OLFM4: variants seen among roughly 807,000 people sequenced by gnomAD.
OLFM4 encodes the protein olfactomedin-4.
Under a neutral mutation model 25.5 loss-of-function variants are expected in OLFM4, and 22 were observed. The observed-to-expected ratio is 0.86, with a 90% confidence interval of 0.62 to 1.23. The LOEUF (loss-of-function observed/expected upper bound fraction) is 1.23, where lower values mean the gene tolerates loss of function less well. Among genes scored for constraint, OLFM4 ranks in the 50% most tolerant of loss-of-function variants. The pLI, the probability that OLFM4 is intolerant of heterozygous loss-of-function variation, is 0.00. For synonymous variants in OLFM4, 255 were observed against 237.7 expected, an observed-to-expected ratio of 1.07 and a Z score of -0.67; for missense variants, 594 against 619.4, an observed-to-expected ratio of 0.96 and a Z score of 0.44.
intron 2 of OLFM4, among the ~76,000 whole-genome samples, chr13:53,040,494 G>T (rs181271207): frequency 6.6e-6 from 1 of 152,182 alleles, no homozygotes; most frequent in South Asian, 2.1e-4. Flanking sequence ...TCGGCATAGC[G>T]CATTTCTCCC....
chr13:53,045,269 G>A (rs917737635), intron 4 of OLFM4, among the ~76,000 whole-genome samples: 1 of 151,972 alleles, frequency 6.6e-6, no homozygotes, highest in Non-Finnish European at 1.5e-5. Flanking sequence ...CTCACACTTA[G>A]ACTTCTGTGA....
chr13:53,036,586 T>C (rs1161685633), intron 2 of OLFM4, among the ~76,000 whole-genome samples: 1 of 152,054 alleles, frequency 6.6e-6, no homozygotes, highest in Non-Finnish European at 1.5e-5. Flanking sequence ...GGTGGGAAAG[T>C]TTTAGTTCTG....
At chr13:53,045,020 C>T (rs191819264) in intron 4 of OLFM4, among the ~76,000 whole-genome samples, 19 of 152,284 alleles carry the variant, frequency 1.2e-4, no homozygotes, top group Non-Finnish European at 1.5e-4. Context: ...GAGGAGAAGA[C>T]GTGGATGGTA....
chr13:53,029,128 A>C, intron 1 of OLFM4, 88 bp downstream of exon 1: 1 of 1,553,590 alleles, frequency 6.4e-7, no homozygotes, highest in Non-Finnish European at 8.7e-7. Flanking sequence ...GGATGGCTAG[A>C]CCTGGGCACT....
chr13:53,041,871 A>C, intron 2 of OLFM4, 39 bp from the exon 3 acceptor site: 1 of 1,433,242 alleles, frequency 7.0e-7, no homozygotes, highest in Non-Finnish European at 9.8e-7. Flanking sequence ...GTGTGATACT[A>C]CTCAGGGAAT....
intron 4 of OLFM4, among the ~76,000 whole-genome samples, chr13:53,045,152 C>A (rs1305955003): frequency 6.6e-6 from 1 of 152,116 alleles, no homozygotes; most frequent in African/African-American, 2.4e-5. Flanking sequence ...AATCCAAGGA[C>A]AACGGTGGGG....
chr13:53,041,126 T>G (rs1316443221), intron 2 of OLFM4, among the ~76,000 whole-genome samples: 3 of 152,192 alleles, frequency 2.0e-5, no homozygotes, highest in African/African-American at 7.2e-5. Context: ...ACTGGGTATA[T>G]GCCCAAAGGA....
intron 4 of OLFM4, among the ~76,000 whole-genome samples, chr13:53,045,795 T>C (rs1213505481): frequency 6.6e-6 from 1 of 152,204 alleles, no homozygotes; most frequent in African/African-American, 2.4e-5. Flanking sequence ...ACAAACAACG[T>C]CCTTTTTCTG....
chr13:53,040,709 C>T (rs1259935059), intron 2 of OLFM4, among the ~76,000 whole-genome samples: 1 of 152,148 alleles, frequency 6.6e-6, no homozygotes, highest in Non-Finnish European at 1.5e-5. Flanking sequence ...GCACAACCCC[C>T]ACAAGAAATG....
chr13:53,040,189 A>C (rs138166729), intron 2 of OLFM4, among the ~76,000 whole-genome samples: 1 of 152,346 alleles, frequency 6.6e-6, no homozygotes, highest in East Asian at 1.9e-4. Context: ...AGAACCACCA[A>C]CTGTGTTTAT....
chr13:53,032,588 C>T (rs61197647), intron 1 of OLFM4, among the ~76,000 whole-genome samples: 1 of 151,898 alleles, frequency 6.6e-6, no homozygotes, highest in Non-Finnish European at 1.5e-5. Context: ...CCCCTATGTT[C>T]GACATAAATC....
At chr13:53,045,220 T>C (rs1435970530) in intron 4 of OLFM4, among the ~76,000 whole-genome samples, 1 of 152,036 alleles carries the variant, frequency 6.6e-6, no homozygotes, top group African/African-American at 2.4e-5. Flanking sequence ...TGGGTTGTTT[T>C]TGTTGGATTT....
At chr13:53,029,295 G>C (rs912369536) in intron 1 of OLFM4, among the ~76,000 whole-genome samples, 2 of 152,180 alleles carry the variant, frequency 1.3e-5, no homozygotes, top group Non-Finnish European at 2.9e-5. Context: ...TCTCAAATCT[G>C]GCTGCACATT....
At chr13:53,035,497 A>G (rs1566316146) in intron 2 of OLFM4, among the ~76,000 whole-genome samples, 1 of 152,212 alleles carries the variant, frequency 6.6e-6, no homozygotes, top group Non-Finnish European at 1.5e-5. Context: ...AAAATGTACA[A>G]TGAAATTATT....
intron 4 of OLFM4, among the ~76,000 whole-genome samples, chr13:53,048,011 G>A (rs1457286678): frequency 1.3e-5 from 2 of 152,144 alleles, no homozygotes; most frequent in Non-Finnish European, 2.9e-5. Flanking sequence ...AGAGTGAAAT[G>A]TAGTTAAATA....
chr13:53,041,020 T>C (rs1174574477), intron 2 of OLFM4, among the ~76,000 whole-genome samples: 1 of 152,150 alleles, frequency 6.6e-6, no homozygotes, highest in Non-Finnish European at 1.5e-5. Flanking sequence ...ATTTATACAC[T>C]GTTGGTGGGA....
intron 2 of OLFM4, among the ~76,000 whole-genome samples, chr13:53,038,458 A>G (rs1954670918): frequency 6.6e-6 from 1 of 152,248 alleles, no homozygotes; most frequent in African/African-American, 2.4e-5. Flanking sequence ...TTGCCAGGCT[A>G]CAAACCTGTA....
Position 53,050,890 on chromosome 13 carries a change from C to T in OLFM4, c.*119C>T. 1.3e-6 allele frequency: 1 copy of T among 793,214 alleles called. No individual in the cohort carries two copies. The highest frequency in any genetic ancestry group is 2.6e-5 in the East Asian group (1 of 38,090). 49.1% of individuals were successfully genotyped at this position (793,214 alleles called of 1,614,324 possible). On this transcript the variant is annotated 3_prime_UTR_variant, in exon 5 of 5. Coordinates refer to ENST00000219022, the MANE Select transcript of OLFM4 (RefSeq NM_006418.5). The stretch of plus-strand genomic sequence containing the variant: ...TTCATTTTGCAGCAATGTTTAGGTG[C>T]ATAGTTCTACCACACTAGAGATCTA...
At chr13:53,034,037 A>G (rs886600379) in intron 1 of OLFM4, among the ~76,000 whole-genome samples, 1 of 88,452 alleles carries the variant, frequency 1.1e-5, no homozygotes, top group Admixed American at 1.3e-4. Context: ...AGCCTGGGCG[A>G]CAGAGTGAGA....
Sources: gnomAD v4.1 joint callset for allele counts (sites outside exome capture counted in the v4.1 genomes callset) on GRCh38, gnomAD v4.1.1 for gene constraint, MANE v1.5 for transcripts, NCBI Gene and HGNC (gene_info 2026-07-23, HGNC 2026-07-21) for gene names.